The following NOVA1 variants were observed in gnomAD, a reference collection of about 807,000 sequenced individuals.
NOVA1 encodes NOVA alternative splicing regulator 1.
A neutral mutation model predicts 38.0 loss-of-function variants in NOVA1; 7 were observed. The observed-to-expected ratio is 0.18, with a 90% CI of 0.10 to 0.35. The LOEUF is 0.35. NOVA1 is among the 10% of genes least tolerant of loss of function. The pLI is 1.00. For missense variants in NOVA1, 460 were observed against 616.0 expected, an observed-to-expected ratio of 0.75 and a Z score of 2.68; for synonymous variants, 270 against 232.5, an observed-to-expected ratio of 1.16 and a Z score of -1.47.
chr14:26,482,966 G>A (rs1885584610), intron 2 of NOVA1, among the ~76,000 whole-genome samples: 1 of 152,124 alleles, frequency 6.6e-6, no homozygotes, highest in African/African-American at 2.4e-5. Flanking sequence ...AAAGTGCTAG[G>A]ATTACAGGTG....
At chr14:26,507,090 A>C (rs966344657) in intron 2 of NOVA1, among the ~76,000 whole-genome samples, 1 of 152,210 alleles carries the variant, frequency 6.6e-6, no homozygotes, top group African/African-American at 2.4e-5. Context: ...ACAGCAGCAG[A>C]AATGTAAAAT....
At chr14:26,489,684 A>C (rs2057357) in intron 2 of NOVA1, among the ~76,000 whole-genome samples, 12 of 151,972 alleles carry the variant, frequency 7.9e-5, no homozygotes, top group Middle Eastern at 3.2e-3. Context: ...TACTAAAAAA[A>C]TTTTGTTATT....
chr14:26,549,983 A>C (rs1476766890), intron 2 of NOVA1, among the ~76,000 whole-genome samples: 1 of 152,222 alleles, frequency 6.6e-6, no homozygotes. Flanking sequence ...AGAGACCTAC[A>C]CAGATGGGCT....
intron 2 of NOVA1, among the ~76,000 whole-genome samples, chr14:26,539,525 T>G (rs184168254): frequency 7.1e-6 from 1 of 141,008 alleles, no homozygotes; most frequent in Non-Finnish European, 1.5e-5. Flanking sequence ...AATTAAGAGC[T>G]CTTATGTATA....
chr14:26,507,038 T>C (rs1232582146), intron 2 of NOVA1, among the ~76,000 whole-genome samples: 1 of 152,216 alleles, frequency 6.6e-6, no homozygotes, highest in Non-Finnish European at 1.5e-5. Context: ...ATTATTTTAT[T>C]TTTAAACTGG....
chr14:26,529,887 C>T (rs1321837463), intron 2 of NOVA1, among the ~76,000 whole-genome samples: 1 of 152,048 alleles, frequency 6.6e-6, no homozygotes, highest in Non-Finnish European at 1.5e-5. Flanking sequence ...TTTAGCTTCC[C>T]CTCCTTTTGC....
At chr14:26,597,255 G>A in intron 1 of NOVA1, 46 bp downstream of exon 1, 1 of 1,219,574 alleles carries the variant, frequency 8.2e-7, no homozygotes. Flanking sequence ...AGGCAGGGGC[G>A]GGCGGCGGGG....
At chr14:26,566,294 A>C (rs1010099274) in intron 2 of NOVA1, among the ~76,000 whole-genome samples, 2 of 152,154 alleles carry the variant, frequency 1.3e-5, no homozygotes, top group African/African-American at 4.8e-5. Context: ...GTTTTAATTT[A>C]TTGTCATCAA....
At position 26,448,097 on chromosome 14, in the gene NOVA1, T is replaced by A; in HGVS notation, c.1386A>T (p.Glu462Asp). 1 of 1,614,200 alleles carries A rather than the reference T, an allele frequency of 6.2e-7. No individual in the cohort carries two copies. ...GARIQISKKG[E>D]FVPGTRNRKV... ...TCCGATTCCTTGTGCCAGGTACGAA[T>A]TCTCCTTTTTTGGAGATCTGTATCC... is the stretch of plus-strand genomic sequence containing the variant. Residue 462 changes from glutamate to aspartate, a missense_variant, in exon 5 of 5, where the codon GAA becomes GAT. Physicochemically the swap from Glu to Asp is conservative, Grantham distance 45 (BLOSUM62 2). Coordinates refer to ENST00000539517, the MANE Select transcript of NOVA1 (RefSeq NM_002515.3). This position sits in a 1 kb window ranked among gnomAD's most constrained non-coding sequence, Gnocchi z 5.3.
intron 3 of NOVA1, 56 bp from the exon 4 acceptor site, chr14:26,472,447 A>C (rs1884661301): frequency 4.2e-6 from 3 of 712,216 alleles, no homozygotes; most frequent in Non-Finnish European, 6.3e-6. Context: ...TAAACTGATT[A>C]TTTAAATAAA....
intron 3 of NOVA1, among the ~76,000 whole-genome samples, chr14:26,474,365 G>GGTCTTAA (rs1207458239): frequency 8.6e-5 from 13 of 151,932 alleles, no homozygotes; most frequent in Non-Finnish European, 1.5e-4. Flanking sequence ...TTCTCAACAA[G>GGTCTTAA]GTCTTAACTG....
intron 2 of NOVA1, among the ~76,000 whole-genome samples, chr14:26,563,467 A>AT (rs940340300): frequency 5.9e-5 from 9 of 152,108 alleles, no homozygotes; most frequent in East Asian, 5.8e-4. Context: ...CAATTTTAAG[A>AT]TTTTTTTAAT....
At chr14:26,526,682 T>A (rs1027768620) in intron 2 of NOVA1, among the ~76,000 whole-genome samples, 2 of 152,180 alleles carry the variant, frequency 1.3e-5, no homozygotes, top group Admixed American at 6.5e-5. Context: ...TACTGGGTGG[T>A]AAATTGCATG....
intron 2 of NOVA1, chr14:26,592,784 TA>T (rs978230031): frequency 6.6e-6 from 1 of 151,760 alleles, no homozygotes; most frequent in African/African-American, 2.4e-5. Context: ...ATAATTTCTT[TA>T]AAGTACCTAT....
chr14:26,597,832 GCGGGGAGAA>G lies in NOVA1; in HGVS notation c.-405_-397del. ...GGGAGAGCGCGAGGGCTGGCGGGGCGCGGGGAGAAGCCGAGGAGGAGGGGAGAGTGAGGG... is the reference window on the plus strand; with the variant it reads ...GGGAGAGCGCGAGGGCTGGCGGGGCGGCCGAGGAGGAGGGGAGAGTGAGGG... On this transcript the variant is annotated 5_prime_UTR_variant, in exon 1 of 5. Coordinates refer to ENST00000539517, the MANE Select transcript of NOVA1 (RefSeq NM_002515.3). 1 of 236,068 alleles carries G rather than the reference GCGGGGAGAA, an allele frequency of 4.2e-6. No homozygotes were observed. Among genetic ancestry groups the G allele is most frequent in the East Asian group, 1.6e-4 (1 of 6,340 alleles). The allele number at this position is 236,068 out of a possible 1,614,324, so 14.6% of individuals were successfully genotyped here. A position where few individuals can be genotyped will look rare whatever the true frequency, so the allele number is the denominator to read the frequency against.
At chr14:26,514,012 C>G (rs1320852330) in intron 2 of NOVA1, among the ~76,000 whole-genome samples, 1 of 151,442 alleles carries the variant, frequency 6.6e-6, no homozygotes, top group African/African-American at 2.4e-5. Flanking sequence ...ATGTAACATT[C>G]AAAAAGAGAA....
intron 4 of NOVA1, among the ~76,000 whole-genome samples, chr14:26,460,522 A>C (rs1883569576): frequency 6.6e-6 from 1 of 152,064 alleles, no homozygotes; most frequent in African/African-American, 2.4e-5. Context: ...TTTTTCAAAA[A>C]TATTTTTAAA....
At chr14:26,571,257 A>G (rs1335991564) in intron 2 of NOVA1, among the ~76,000 whole-genome samples, 2 of 152,102 alleles carry the variant, frequency 1.3e-5, no homozygotes. Flanking sequence ...TTCTAAAAAG[A>G]ACTGAAAAAA....
At chr14:26,531,973 A>G (rs1889748992) in intron 2 of NOVA1, among the ~76,000 whole-genome samples, 1 of 152,190 alleles carries the variant, frequency 6.6e-6, no homozygotes. Context: ...CACTAAGAAA[A>G]CAAAAATTAA....
Sources: allele counts gnomAD v4.1 joint callset (sites outside exome capture counted in the v4.1 genomes callset), GRCh38; gene constraint gnomAD v4.1.1; non-coding constraint Gnocchi (gnomAD v3.1); transcripts MANE v1.5; gene names NCBI Gene and HGNC (gene_info 2026-07-23, HGNC 2026-07-21).